The following CNTN6 variants were observed in gnomAD, a reference collection of about 807,000 sequenced individuals.
The protein encoded by CNTN6 is contactin-6.
CNTN6 carries 137 observed loss-of-function variants against 122.8 expected under a neutral mutation model. The observed-to-expected ratio is 1.12, with a 90% CI of 0.97 to 1.29. The LOEUF is 1.29. CNTN6 is among the 50% of genes most tolerant of loss of function. The pLI is 0.00. For missense variants in CNTN6, 1,634 were observed against 1,223.4 expected (o/e 1.34, Z -5.01); for synonymous variants, 570 against 426.0 (o/e 1.34, Z -4.16).
At chr3:1,186,428 G>C (rs2093628791) in intron 2 of CNTN6, among the ~76,000 whole-genome samples, 2 of 150,292 alleles carry the variant, frequency 1.3e-5, no homozygotes, top group African/African-American at 2.5e-5. Flanking sequence ...GCCATTTTGA[G>C]AAACTTTCAG....
intron 17 of CNTN6, among the ~76,000 whole-genome samples, chr3:1,377,506 G>C (rs1015596237): frequency 6.6e-6 from 1 of 152,086 alleles, no homozygotes; most frequent in Non-Finnish European, 1.5e-5. Flanking sequence ...TGAAAGCTTA[G>C]GCACATGGAG....
At chr3:1,383,443 G>A in intron 19 of CNTN6, 35 bp downstream of exon 19, 3 of 1,534,112 alleles carry the variant, frequency 2.0e-6, no homozygotes, top group South Asian at 1.1e-5. Context: ...GCTTATGAAT[G>A]TGCCAATGGA....
intron 12 of CNTN6, among the ~76,000 whole-genome samples, chr3:1,354,442 C>T (rs1461913433): frequency 6.7e-6 from 1 of 149,880 alleles, no homozygotes; most frequent in East Asian, 2.0e-4. Flanking sequence ...GTTGTTGAAA[C>T]AAAATTATCC....
Position 1,362,094 on chromosome 3 carries a change from C to T in CNTN6, c.1492+9643C>T, listed in dbSNP as rs140083178. Among the ~76,000 whole-genome samples, 155 of 152,134 alleles carry T rather than the reference C, an allele frequency of 1.0e-3. 1 individual carries two copies. Among genetic ancestry groups the T allele is most frequent in the African/African-American group, 3.6e-3 (149 of 41,534 alleles). ...GACTATGTCCTAGTAAGAAACAAAACAAAATAAAATAAAATTGACCAGGAC... is the reference window on the plus strand; with the variant it reads ...GACTATGTCCTAGTAAGAAACAAAATAAAATAAAATAAAATTGACCAGGAC... On this transcript the variant is annotated intron_variant, in intron 12 of 22. Transcript: ENST00000446702.
intron 7 of CNTN6, among the ~76,000 whole-genome samples, chr3:1,315,836 C>A (rs755238724): frequency 2.0e-5 from 3 of 151,842 alleles, no homozygotes; most frequent in African/African-American, 7.3e-5. Flanking sequence ...GCAGCTAGGA[C>A]ATTAAATGGT....
chr3:1,294,942 G>A (rs1695957611), intron 5 of CNTN6, among the ~76,000 whole-genome samples: 1 of 152,124 alleles, frequency 6.6e-6, no homozygotes, highest in South Asian at 2.1e-4. Flanking sequence ...AACTGTCACA[G>A]AATAGCTGCT....
intron 15 of CNTN6, 50 bp downstream of exon 15, chr3:1,373,812 A>G (rs766247390): frequency 2.0e-6 from 3 of 1,502,724 alleles, no homozygotes; most frequent in Non-Finnish European, 2.7e-6. Context: ...ATTTTAGTCC[A>G]ATAATTTTAA....
At chr3:1,357,357 T>G (rs929276184) in intron 12 of CNTN6, among the ~76,000 whole-genome samples, 2 of 151,918 alleles carry the variant, frequency 1.3e-5, no homozygotes, top group Admixed American at 6.6e-5. Context: ...ACGTGGAACT[T>G]GACGACTTAG....
At chr3:1,127,108 T>C (rs1045160163) in intron 1 of CNTN6, among the ~76,000 whole-genome samples, 20 of 151,672 alleles carry the variant, frequency 1.3e-4, no homozygotes, top group African/African-American at 4.8e-4. Flanking sequence ...AATTTATACA[T>C]GCTTCTGTAA....
chr3:1,151,942 G>A (rs957454123), intron 2 of CNTN6, among the ~76,000 whole-genome samples: 4 of 152,160 alleles, frequency 2.6e-5, no homozygotes, highest in Admixed American at 6.5e-5. Context: ...GACTAAGAAC[G>A]TTTATTCTCA....
At chr3:1,283,747 C>A (rs1019468523) in intron 5 of CNTN6, among the ~76,000 whole-genome samples, 3 of 152,166 alleles carry the variant, frequency 2.0e-5, no homozygotes, top group Non-Finnish European at 4.4e-5. Flanking sequence ...CACCTGTAAT[C>A]CCAGCACTTT....
At chr3:1,174,909 A>G (rs1376401437) in intron 2 of CNTN6, among the ~76,000 whole-genome samples, 4 of 152,172 alleles carry the variant, frequency 2.6e-5, no homozygotes, top group Non-Finnish European at 5.9e-5. Flanking sequence ...ACACACAGAC[A>G]CACTCCCAAG....
In CNTN6 at chr3:1,300,538, AG is replaced by A. The variant is rs1398832975; in HGVS notation, c.761+2548del. ...GAAAGAAAGAAAGATAAAGAAAGAG[AG>A]AGAAAGAAAGAGAAAGAAAAAGAAA... On this transcript the variant is annotated intron_variant, in intron 7 of 22. Transcript: ENST00000446702. Among the ~76,000 whole-genome samples, 139 of 135,338 alleles carry A rather than the reference AG, an allele frequency of 1.0e-3. 3 individuals are homozygous for A. Among genetic ancestry groups the A allele is most frequent in the African/African-American group, 3.5e-3 (135 of 38,384 alleles). The allele number at this position is 135,338 out of a possible 152,430, so 88.8% of individuals were successfully genotyped here.
At chr3:1,207,594 C>A (rs934260887) in intron 2 of CNTN6, among the ~76,000 whole-genome samples, 1 of 152,020 alleles carries the variant, frequency 6.6e-6, no homozygotes, top group Non-Finnish European at 1.5e-5. Context: ...AGCTCCCTTA[C>A]CCTTTATTTC....
At position 1,259,072 on chromosome 3, in the gene CNTN6, G is replaced by A. The variant is rs557597850; in HGVS notation, c.359-19341G>A. ...GTGAGTAGGATTTAGCTCATGGGTT[G>A]CAGTCTGCAGAGCACTGGAGTTCAC... On this transcript the variant is annotated intron_variant, in intron 4 of 22. Coordinates refer to ENST00000446702, the MANE Select transcript of CNTN6 (RefSeq NM_001289080.2). 2.0e-5 allele frequency among the ~76,000 whole-genome samples: 3 copies of A among 152,252 alleles called. No homozygotes were observed. In the East Asian group the frequency reaches 5.8e-4, roughly 29 times the overall value.
At chr3:1,373,545 T>G in intron 14 of CNTN6, 59 bp from the exon 15 acceptor site, 1 of 1,539,278 alleles carries the variant, frequency 6.5e-7, no homozygotes, top group Non-Finnish European at 8.8e-7. Context: ...ACCATCCTAG[T>G]ACCAAATTAA....
intron 4 of CNTN6, among the ~76,000 whole-genome samples, chr3:1,254,507 A>G (rs1328931445): frequency 6.6e-6 from 1 of 152,198 alleles, no homozygotes; most frequent in Non-Finnish European, 1.5e-5. Flanking sequence ...TTTTATTTAT[A>G]TCCATCAATT....
chr3:1,173,157 G>A lies in CNTN6; in HGVS notation c.55+25094G>A, dbSNP rs550959311. 32 of 452,320 alleles carry A rather than the reference G, an allele frequency of 7.1e-5. 1 individual carries two copies. The Middle Eastern group carries it at 1.0e-3, about 14-fold the overall frequency. The allele number at this position is 452,320 out of a possible 1,614,324, so 28.0% of individuals were successfully genotyped here. A position where few individuals can be genotyped will look rare whatever the true frequency, so the allele number is the denominator to read the frequency against. On this transcript the variant is annotated intron_variant, in intron 2 of 22. Coordinates refer to ENST00000446702, the MANE Select transcript of CNTN6 (RefSeq NM_001289080.2). ...TCTGTGACATCTCTCCAGGCATACC[G>A]TAAGGAGAGGACATTTTGAAGGATC...
intron 1 of CNTN6, among the ~76,000 whole-genome samples, chr3:1,132,877 G>C (rs1018065918): frequency 6.6e-6 from 1 of 151,922 alleles, no homozygotes; most frequent in Non-Finnish European, 1.5e-5. Context: ...TGCTTTCAAG[G>C]AGACTCTCCT....
Sources: gnomAD v4.1 joint callset for allele counts (sites outside exome capture counted in the v4.1 genomes callset) on GRCh38, gnomAD v4.1.1 for gene constraint, MANE v1.5 for transcripts, NCBI Gene and HGNC (gene_info 2026-07-23, HGNC 2026-07-21) for gene names.